DCC: variants seen among roughly 807,000 people sequenced by gnomAD.
The protein encoded by DCC is netrin receptor DCC.
DCC carries 58 observed loss-of-function variants against 172.5 expected under a neutral mutation model. The ratio of observed to expected loss-of-function variants is 0.34; its 90% CI spans 0.27 to 0.42. The LOEUF is 0.42. Ranked by LOEUF, DCC falls within the 10% of genes least tolerant of loss-of-function variation. DCC has a pLI of 1.00. For missense variants in DCC, 1,740 were observed against 1,791.0 expected, an observed-to-expected ratio of 0.97 and a Z score of 0.51; for synonymous variants, 709 against 644.5, an observed-to-expected ratio of 1.10 and a Z score of -1.52.
chr18:52,917,666 A>G (rs1287148010), intron 3 of DCC, among the ~76,000 whole-genome samples: 1 of 152,172 alleles, frequency 6.6e-6, no homozygotes, highest in African/African-American at 2.4e-5. Flanking sequence ...CCACATTTTA[A>G]GGCACCCTGT....
chr18:52,820,348 G>A (rs989447554), intron 2 of DCC, among the ~76,000 whole-genome samples: 1 of 152,100 alleles, frequency 6.6e-6, no homozygotes, highest in Non-Finnish European at 1.5e-5. Context: ...GTACATGCAT[G>A]CATTTATAAA....
chr18:53,246,846 T>G (rs2056370896), intron 12 of DCC, among the ~76,000 whole-genome samples: 1 of 152,088 alleles, frequency 6.6e-6, no homozygotes, highest in African/African-American at 2.4e-5. Context: ...CAGTAGCAGA[T>G]GGAACAGTTG....
chr18:53,378,668 C>T (rs1907491069), intron 15 of DCC, among the ~76,000 whole-genome samples: 1 of 152,188 alleles, frequency 6.6e-6, no homozygotes, highest in Non-Finnish European at 1.5e-5. Context: ...CACCTTCTAT[C>T]TGCCCAGCAC....
chr18:52,565,073 A>G (rs1263624305), intron 1 of DCC, among the ~76,000 whole-genome samples: 1 of 152,134 alleles, frequency 6.6e-6, no homozygotes, highest in Non-Finnish European at 1.5e-5. Context: ...CAAATTGTCT[A>G]GCTGGAGGAA....
At chr18:53,062,714 G>A (rs1194313690) in intron 5 of DCC, among the ~76,000 whole-genome samples, 3 of 152,068 alleles carry the variant, frequency 2.0e-5, no homozygotes, top group Non-Finnish European at 4.4e-5. Context: ...ATGCCATGCT[G>A]TGAAAATTAT....
intron 2 of DCC, among the ~76,000 whole-genome samples, chr18:52,831,817 A>AC (rs1224246352): frequency 1.3e-5 from 2 of 152,078 alleles, no homozygotes; most frequent in African/African-American, 4.8e-5. Flanking sequence ...GAATATATAA[A>AC]CCAGGTAGTC....
At chr18:52,578,107 G>A (rs2033457911) in intron 1 of DCC, among the ~76,000 whole-genome samples, 1 of 152,132 alleles carries the variant, frequency 6.6e-6, no homozygotes, top group Non-Finnish European at 1.5e-5. Context: ...CTTCCAACCT[G>A]ATTATTTACA....
chr18:53,241,396 TC>T (rs2056291473), intron 12 of DCC, among the ~76,000 whole-genome samples: 1 of 152,008 alleles, frequency 6.6e-6, no homozygotes, highest in Non-Finnish European at 1.5e-5. Context: ...AGTCCTGCTT[TC>T]CCCCACGGAG....
At chr18:53,499,585 G>A (rs1284928579) in intron 27 of DCC, 75 bp downstream of exon 27, 13 of 1,206,242 alleles carry the variant, frequency 1.1e-5, no homozygotes, top group Non-Finnish European at 1.6e-5. Flanking sequence ...GAGGGTGCTT[G>A]AGAAGGCCTA....
chr18:53,179,072 C>T lies in DCC; in HGVS notation c.1529C>T (p.Pro510Leu), dbSNP rs142367900. Reference protein sequence around the residue: ...FRVVAYNEWGPGESSQPIKVA... With the variant: ...FRVVAYNEWGLGESSQPIKVA... ...GTTGTGGCTTACAATGAATGGGGAC[C>T]GGGAGAGAGTTCTCAACCCATCAAG... The change falls in exon 9 of 29, where the codon CCG becomes CTG. Residue 510 changes from proline to leucine, a missense_variant. By Grantham distance (98) the Pro-to-Leu change is moderately conservative. Around this residue, in one of 2 missense-constraint regions of DCC, gnomAD observed 1,732 missense variants for 1,767.4 expected, o/e 0.98. Coordinates refer to ENST00000442544, the MANE Select transcript of DCC (RefSeq NM_005215.4). The T allele has an allele frequency of 5.6e-6, 9 of 1,613,692 alleles. No homozygotes were observed. The highest frequency in any genetic ancestry group is 2.7e-5 in the African/African-American group (2 of 74,882).
chr18:53,285,806 C>T (rs954917788), intron 12 of DCC, among the ~76,000 whole-genome samples: 2 of 152,242 alleles, frequency 1.3e-5, no homozygotes, highest in African/African-American at 4.8e-5. Context: ...AGGGGTAGAG[C>T]TGCCAAATAC....
chr18:53,230,435 G>A (rs1218749898), intron 12 of DCC, among the ~76,000 whole-genome samples: 1 of 151,918 alleles, frequency 6.6e-6, no homozygotes, highest in East Asian at 1.9e-4. Context: ...CTTTCCTTAA[G>A]GGACTCCAGC....
At chr18:53,016,429 TTTTTGCCTTAGC>T (rs1239075491) in intron 5 of DCC, among the ~76,000 whole-genome samples, 1 of 152,048 alleles carries the variant, frequency 6.6e-6, no homozygotes, top group Non-Finnish European at 1.5e-5. Context: ...CATTTGCAAA[TTTTTGCCTTAGC>T]TTTTGCTATA....
intron 13 of DCC, among the ~76,000 whole-genome samples, chr18:53,311,406 AGCCACCGCACCCG>A (rs1203374976): frequency 6.6e-6 from 1 of 152,148 alleles, no homozygotes; most frequent in African/African-American, 2.4e-5. Context: ...TACAGGCGTG[AGCCACCGCACCCG>A]GCCATACTGC....
intron 1 of DCC, among the ~76,000 whole-genome samples, chr18:52,634,094 C>T (rs2144885630): frequency 6.6e-6 from 1 of 152,344 alleles, no homozygotes; most frequent in East Asian, 1.9e-4. Flanking sequence ...CATTAAACAT[C>T]TCATTAAGTG....
At chr18:52,441,039 C>T (rs375623017) in intron 1 of DCC, among the ~76,000 whole-genome samples, 63 of 152,260 alleles carry the variant, frequency 4.1e-4, no homozygotes, top group African/African-American at 1.5e-3. Context: ...TCTGTGGGTA[C>T]ATTTGTCTTT....
intron 8 of DCC, among the ~76,000 whole-genome samples, chr18:53,168,302 T>C (rs1013286496): frequency 1.3e-5 from 2 of 152,012 alleles, no homozygotes; most frequent in African/African-American, 4.8e-5. Flanking sequence ...TAGCAAAGAC[T>C]TGGAACCAAC....
At chr18:52,448,776 G>T (rs1379110645) in intron 1 of DCC, among the ~76,000 whole-genome samples, 1 of 152,202 alleles carries the variant, frequency 6.6e-6, no homozygotes, top group African/African-American at 2.4e-5. Flanking sequence ...GTAACACTTT[G>T]TACTTTTACC....
At chr18:52,927,242 T>TAC (rs1198888740) in intron 5 of DCC, among the ~76,000 whole-genome samples, 1 of 149,658 alleles carries the variant, frequency 6.7e-6, no homozygotes, top group African/African-American at 2.4e-5. Flanking sequence ...TATACTTATA[T>TAC]GTACATATAC....
Sources: gnomAD v4.1 joint callset for allele counts (sites outside exome capture counted in the v4.1 genomes callset) on GRCh38, gnomAD v4.1.1 for gene constraint, gnomAD v4.1.1 regional missense constraint, MANE v1.5 for transcripts, NCBI Gene and HGNC (gene_info 2026-07-23, HGNC 2026-07-21) for gene names.